The following ZC3H11A variants were observed in gnomAD, a reference collection of about 807,000 sequenced individuals.
ZC3H11A encodes zinc finger CCCH-type containing 11A, also known as zinc finger CCCH domain-containing protein 11A.
ZC3H11A carries 22 observed loss-of-function variants against 90.8 expected under a neutral mutation model. The ratio of observed to expected loss-of-function variants is 0.24; its 90% CI spans 0.17 to 0.35. The LOEUF is 0.35. Ranked by LOEUF, ZC3H11A falls within the 10% of genes least tolerant of loss-of-function variation. The pLI is 1.00. For missense variants in ZC3H11A, 701 were observed against 964.9 expected (o/e 0.73, Z 3.62); for synonymous variants, 294 against 339.8 (o/e 0.87, Z 1.48).
chr1:203,823,765 A>C (rs1679559133), intron 4 of ZC3H11A, among the ~76,000 whole-genome samples: 1 of 152,224 alleles, frequency 6.6e-6, no homozygotes, highest in Admixed American at 6.5e-5. Context: ...ATGTGTGCAG[A>C]ATTGCTTATT....
chr1:203,850,987 A>G, intron 16 of ZC3H11A, 70 bp from the exon 17 acceptor site: 5 of 1,552,336 alleles, frequency 3.2e-6, no homozygotes, highest in Non-Finnish European at 4.4e-6. Flanking sequence ...AGAAGGCAGC[A>G]AAAGAAAATG....
intron 12 of ZC3H11A, among the ~76,000 whole-genome samples, chr1:203,845,377 T>A (rs551470484): frequency 1.3e-5 from 2 of 152,356 alleles, no homozygotes; most frequent in African/African-American, 2.4e-5. Context: ...AATTTGTGAT[T>A]TTTTATTAAA....
At chr1:203,810,711 G>A (rs1368293582) in intron 2 of ZC3H11A, among the ~76,000 whole-genome samples, 1 of 152,044 alleles carries the variant, frequency 6.6e-6, no homozygotes, top group African/African-American at 2.4e-5. Context: ...GAGCCACCGC[G>A]CCCGGCCAGC....
intron 2 of ZC3H11A, among the ~76,000 whole-genome samples, chr1:203,804,387 C>G (rs11240537): frequency 6.6e-6 from 1 of 151,626 alleles, no homozygotes; most frequent in East Asian, 1.9e-4. Context: ...CTCCTGACCT[C>G]GTGATCCGCC....
In ZC3H11A at chr1:203,801,800, G is replaced by T. The variant is rs1670609282; in HGVS notation, c.-1362G>T. ...AACTCATTTCTATGTATCAAAATCG[G>T]GTTTTTTTTGGTTTTGATTTTTTTT... On this transcript the variant is annotated 5_prime_UTR_variant, in exon 2 of 18. Transcript: ENST00000367210. 1 of 117,428 alleles carries T rather than the reference G, an allele frequency of 8.5e-6. No individual in the cohort carries two copies. Among genetic ancestry groups the T allele is most frequent in the African/African-American group, 3.2e-5 (1 of 31,378 alleles). The allele number at this position is 117,428 out of a possible 1,614,324, so 7.3% of individuals were successfully genotyped here. A position where few individuals can be genotyped will look rare whatever the true frequency, so the allele number is the denominator to read the frequency against.
chr1:203,832,960 G>A (rs771124466), intron 9 of ZC3H11A, among the ~76,000 whole-genome samples: 58 of 152,286 alleles, frequency 3.8e-4, no homozygotes, highest in East Asian at 5.8e-4. Context: ...TAGGCTGTGC[G>A]CAGTGGCTTA....
intron 10 of ZC3H11A, among the ~76,000 whole-genome samples, chr1:203,836,905 A>G (rs758852298): frequency 2.6e-5 from 4 of 152,376 alleles, no homozygotes; most frequent in Non-Finnish European, 5.9e-5. Flanking sequence ...GAGAGGGGTT[A>G]TGTGGCTCTT....
chr1:203,849,943 A>T lies in ZC3H11A; in HGVS notation c.1856A>T (p.Lys619Met), dbSNP rs775471442. The T allele has an allele frequency of 1.2e-6, 2 of 1,614,142 alleles. No homozygotes were observed. The highest frequency in any genetic ancestry group is 3.3e-5 in the Admixed American group (2 of 60,006). The stretch of plus-strand genomic sequence containing the variant: ...CGGCTTCCCACAAAGTCATCCCAGA[A>T]GGTGGAGGTAGAAACCTCAGGGATT... The part of the protein sequence containing the change: ...TKRLPTKSSQ[K>M]VEVETSGIGD... The change falls in exon 15 of 18, where the codon AAG becomes ATG. Residue 619 changes from lysine to methionine, a missense_variant. Coordinates refer to ENST00000367210, the MANE Select transcript of ZC3H11A (RefSeq NM_001376342.1).
At chr1:203,822,211 A>G (rs950551813) in intron 4 of ZC3H11A, among the ~76,000 whole-genome samples, 1 of 152,090 alleles carries the variant, frequency 6.6e-6, no homozygotes, top group African/African-American at 2.4e-5. Context: ...ATTGTTCATA[A>G]TACTTTTATT....
chr1:203,852,579 C>T lies in ZC3H11A; in HGVS notation c.*180C>T, dbSNP rs1182681229. The T allele has an allele frequency of 3.0e-6, 2 of 675,522 alleles. No individual in the cohort carries two copies. Among genetic ancestry groups the T allele is most frequent in the African/African-American group, 1.8e-5 (1 of 54,944 alleles). 41.8% of individuals were successfully genotyped at this position (675,522 alleles called of 1,614,324 possible). On this transcript the variant is annotated 3_prime_UTR_variant, in exon 18 of 18. Coordinates refer to ENST00000367210, the MANE Select transcript of ZC3H11A (RefSeq NM_001376342.1). ...CCTTGGGGTCAGATTTTTAAAGTTACTTTATAACCATTTTGTCCATTTGAT... is the reference window on the plus strand; with the variant it reads ...CCTTGGGGTCAGATTTTTAAAGTTATTTTATAACCATTTTGTCCATTTGAT...
intron 4 of ZC3H11A, among the ~76,000 whole-genome samples, chr1:203,827,337 A>G (rs1044457231): frequency 5.3e-5 from 8 of 151,120 alleles, no homozygotes; most frequent in Admixed American, 1.3e-4. Flanking sequence ...TCTATTCTAG[A>G]TGCACAGGTA....
In ZC3H11A at chr1:203,829,558, C is replaced by T. The variant is rs151199762; in HGVS notation, c.406C>T (p.Arg136Trp). 134 of 1,614,012 alleles carry T rather than the reference C, an allele frequency of 8.3e-5. 1 individual carries two copies. The East Asian group carries it at 1.2e-3, about 14-fold the overall frequency. ...SVQSNPSPQL[R>W]SVMKVESSEN... ...CCAGTCCAATCCTTCCCCTCAGCTG[C>T]GGAGCGTTATGAAAGTAGAAAGTTC... is the stretch of plus-strand genomic sequence containing the variant. The change falls in exon 6 of 18, where the codon CGG becomes TGG. Residue 136 changes from arginine (R) to tryptophan (W), a missense_variant. Physicochemically the swap from Arg to Trp is moderately radical, Grantham distance 101. Coordinates refer to ENST00000367210, the MANE Select transcript of ZC3H11A (RefSeq NM_001376342.1).
intron 12 of ZC3H11A, 42 bp from the exon 13 acceptor site, chr1:203,847,142 G>T: frequency 1.2e-6 from 2 of 1,601,848 alleles, no homozygotes; most frequent in South Asian, 2.3e-5. Context: ...AGTAAGAGAT[G>T]AACTTCAAGT....
intron 8 of ZC3H11A, among the ~76,000 whole-genome samples, chr1:203,830,920 C>T (rs1463314303): frequency 6.8e-6 from 1 of 146,464 alleles, no homozygotes; most frequent in Non-Finnish European, 1.5e-5. Flanking sequence ...TATTTCCAAC[C>T]CCCAATTTTT....
At chr1:203,796,585 T>G (rs1381027257) in intron 1 of ZC3H11A, 1 of 397,616 alleles carries the variant, frequency 2.5e-6, no homozygotes. Context: ...GAACTAGAGA[T>G]AGCGATGCTT....
At chr1:203,840,243 T>A in intron 11 of ZC3H11A, 63 bp from the exon 12 acceptor site, 1 of 1,531,652 alleles carries the variant, frequency 6.5e-7, no homozygotes, top group Non-Finnish European at 9.0e-7. Flanking sequence ...CCAGCAAACC[T>A]GTATTTAAGC....
chr1:203,849,724 C>T lies in ZC3H11A; in HGVS notation c.1637C>T (p.Thr546Ile). 6.2e-7 allele frequency: 1 copy of T among 1,613,848 alleles called. No homozygotes were observed. The highest frequency in any genetic ancestry group is 8.5e-7 in the Non-Finnish European group (1 of 1,179,860). The change falls in exon 15 of 18, where the codon ACC becomes ATC. Residue 546 changes from threonine to isoleucine, a missense_variant. Coordinates refer to ENST00000367210, the MANE Select transcript of ZC3H11A (RefSeq NM_001376342.1). ...RTEAKEASGETTGVDITKIQV... is the reference protein window; with the variant it reads ...RTEAKEASGEITGVDITKIQV... ...ATTTATCCACAGGCTTCAGGTGAGA[C>T]CACAGGAGTTGACATCACTAAAATT... is the stretch of plus-strand genomic sequence containing the variant.
rs1336523998 is a variant in ZC3H11A at position 203,819,089 on chromosome 1, T to TATACACAC, written c.174+401_174+402insTACACACA. 2.8e-5 allele frequency among the ~76,000 whole-genome samples: 4 copies of TATACACAC among 141,004 alleles called. No homozygotes were observed. In the South Asian group the frequency reaches 6.8e-4, roughly 24 times the overall value. 92.5% of individuals were successfully genotyped at this position (141,004 alleles called of 152,430 possible). On this transcript the variant is annotated intron_variant, in intron 4 of 17. Coordinates refer to ENST00000367210, the MANE Select transcript of ZC3H11A (RefSeq NM_001376342.1). Reference sequence around the variant, plus strand: ...TCTCAAAAAAAAAAATATATATATATACACACACACACACACACACACACA... The same window carrying TATACACAC: ...TCTCAAAAAAAAAAATATATATATATATACACACACACACACACACACACACACACACA...
intron 9 of ZC3H11A, among the ~76,000 whole-genome samples, chr1:203,832,337 A>G (rs1682654522): frequency 6.6e-6 from 1 of 150,838 alleles, no homozygotes; most frequent in African/African-American, 2.4e-5. Context: ...CTGGGATTAC[A>G]GGTGTGAGCC....
Sources: gnomAD v4.1 joint callset for allele counts (sites outside exome capture counted in the v4.1 genomes callset) on GRCh38, gnomAD v4.1.1 for gene constraint, MANE v1.5 for transcripts, NCBI Gene and HGNC (gene_info 2026-07-23, HGNC 2026-07-21) for gene names.